Variants in DEFB132 observed in about 807,000 individuals in gnomAD.
The protein encoded by DEFB132 is beta-defensin 132.
A neutral mutation model predicts 2.5 loss-of-function variants in DEFB132; 5 were observed. The ratio of observed to expected loss-of-function variants is 2.00; its 90% CI spans 1.04 to 4.20. The LOEUF (loss-of-function observed/expected upper bound fraction) is 4.20, where lower values mean the gene tolerates loss of function less well. Among genes scored for constraint, DEFB132 ranks in the 30% most tolerant of loss-of-function variants. The pLI, the probability that DEFB132 is intolerant of heterozygous loss-of-function variation, is 0.00. For synonymous variants in DEFB132, 53 were observed against 46.2 expected (o/e 1.15, Z -0.60); for missense variants, 112 against 110.0 (o/e 1.02, Z -0.08).
At chr20:258,769 C>T (rs58397576) in intron 1 of DEFB132, among the ~76,000 whole-genome samples, 266 of 50,764 alleles carry the variant, frequency 5.2e-3, no homozygotes, top group Middle Eastern at 0.038. Context: ...CCTCCCTGAC[C>T]GTGAAGACCA....
chr20:257,881 C>T, intron 1 of DEFB132, 45 bp downstream of exon 1: 1 of 1,584,542 alleles, frequency 6.3e-7, no homozygotes, highest in Non-Finnish European at 8.6e-7. Flanking sequence ...GAACGAGGAA[C>T]ACTAGCATAT....
rs542934528 is a variant in DEFB132, at chr20:260,825, A to C, written c.*1519A>C. On this transcript the variant is annotated 3_prime_UTR_variant, in exon 2 of 2. Coordinates refer to ENST00000382376, the MANE Select transcript of DEFB132 (RefSeq NM_207469.3). ...AAATATTCAATTTAAGAGCAAGGAA[A>C]TTCTTATAAATATAACAATAGAGGC... 6.6e-6 allele frequency: 1 copy of C among 152,342 alleles called. No individual in the cohort carries two copies. Among genetic ancestry groups the C allele is most frequent in the South Asian group, 2.1e-4 (1 of 4,832 alleles). 9.4% of individuals were successfully genotyped at this position (152,342 alleles called of 1,614,324 possible). A position where few individuals can be genotyped will look rare whatever the true frequency, so the allele number is the denominator to read the frequency against.
At position 259,440 on chromosome 20, in the gene DEFB132, C is replaced by T; in HGVS notation, c.*134C>T. ...CTATAGCCAACCCCAAAACTTCTGT[C>T]TTCTATCATTCTGTCATTCATCTAG... On this transcript the variant is annotated 3_prime_UTR_variant, in exon 2 of 2. Coordinates refer to ENST00000382376, the MANE Select transcript of DEFB132 (RefSeq NM_207469.3). 1 of 887,556 alleles carries T rather than the reference C, an allele frequency of 1.1e-6. No individual in the cohort carries two copies. The highest frequency in any genetic ancestry group is 1.7e-6 in the Non-Finnish European group (1 of 592,470). The allele number at this position is 887,556 out of a possible 1,614,324, so 55.0% of individuals were successfully genotyped here. A position where few individuals can be genotyped will look rare whatever the true frequency, so the allele number is the denominator to read the frequency against.
chr20:259,122 G>T lies in DEFB132; in HGVS notation c.104G>T (p.Cys35Phe), dbSNP rs1272058201. Residue 35 changes from cysteine (C) to phenylalanine (F), a missense_variant, in exon 2 of 2, where the codon TGC becomes TTC. Cys to Phe is a radical substitution (Grantham distance 205). Coordinates refer to ENST00000382376, the MANE Select transcript of DEFB132 (RefSeq NM_207469.3). ...SKCVSNTPGYCRTCCHWGETA... is the reference protein window; with the variant it reads ...SKCVSNTPGYFRTCCHWGETA... ...TGTGTGAGTAACACCCCAGGATACT[G>T]CAGGACATGTTGCCACTGGGGGGAG... is the stretch of plus-strand genomic sequence containing the variant. The T allele has an allele frequency of 1.5e-5, 24 of 1,614,220 alleles. No homozygotes were observed. The highest frequency in any genetic ancestry group is 1.9e-5 in the Non-Finnish European group (23 of 1,180,044).
Position 260,401 on chromosome 20 carries a change from C to T in DEFB132, c.*1095C>T, listed in dbSNP as rs1318450229. 1 of 152,092 alleles carries T rather than the reference C, an allele frequency of 6.6e-6. No homozygotes were observed. The highest frequency in any genetic ancestry group is 1.9e-4 in the East Asian group (1 of 5,194). 9.4% of individuals were successfully genotyped at this position (152,092 alleles called of 1,614,324 possible). On this transcript the variant is annotated 3_prime_UTR_variant, in exon 2 of 2. Transcript: ENST00000382376. The stretch of plus-strand genomic sequence containing the variant: ...TATATACTAATGCCATCTATAAATA[C>T]AAACAAATAGAATGTTTATAGAATA...
At position 260,012 on chromosome 20, in the gene DEFB132, G is replaced by A; in HGVS notation, c.*706G>A. On this transcript the variant is annotated 3_prime_UTR_variant, in exon 2 of 2. Transcript: ENST00000382376. The stretch of plus-strand genomic sequence containing the variant: ...GGAGTATAAGGAGGGAGAGAAAGGA[G>A]CTGAAAGTCTAGGTTTGGCCAGCTA... The A allele has an allele frequency of 6.6e-6, 1 of 152,558 alleles. No individual in the cohort carries two copies. Among genetic ancestry groups the A allele is most frequent in the Non-Finnish European group, 1.5e-5 (1 of 68,252 alleles). The allele number at this position is 152,558 out of a possible 1,614,324, so 9.5% of individuals were successfully genotyped here.
At position 259,300 on chromosome 20, in the gene DEFB132, A is replaced by G. The variant is rs765877206; in HGVS notation, c.282A>G (p.Thr94=). 1.2e-6 allele frequency: 2 copies of G among 1,614,048 alleles called. No homozygotes were observed. The highest frequency in any genetic ancestry group is 1.7e-5 in the Admixed American group (1 of 60,016). Residue 94 remains threonine (T), a synonymous_variant, in exon 2 of 2, where the codon ACA becomes ACG. Coordinates refer to ENST00000382376, the MANE Select transcript of DEFB132 (RefSeq NM_207469.3). The part of the protein sequence containing the change: ...RKDKKQQTTV[T]S ...ACAAGAAGCAACAAACGACCGTAAC[A>G]TCATAATAACCACTGCTATCGCCTC... is the stretch of plus-strand genomic sequence containing the variant.
rs755332891 is a variant in DEFB132 at position 259,247 on chromosome 20, T to C, written c.229T>C (p.Ser77Pro). The C allele has an allele frequency of 5.6e-6, 9 of 1,611,304 alleles. No homozygotes were observed. The South Asian group carries it at 9.9e-5, about 18-fold the overall frequency. The stretch of plus-strand genomic sequence containing the variant: ...ACAGCTCATCGGTAACCACTGGCAA[T>C]CAAGGAGAAGAAACACACAAAGGAA... ...LPQLIGNHWQ[S>P]RRRNTQRKDK... Residue 77 changes from serine to proline, a missense_variant, in exon 2 of 2, where the codon TCA (serine) becomes CCA (proline). Coordinates refer to ENST00000382376, the MANE Select transcript of DEFB132 (RefSeq NM_207469.3).
rs954485178 is a variant in DEFB132 at position 259,512 on chromosome 20, C to A, written c.*206C>A. 2.4e-5 allele frequency: 14 copies of A among 591,348 alleles called. No homozygotes were observed. Among genetic ancestry groups the A allele is most frequent in the Non-Finnish European group, 4.2e-5 (14 of 337,098 alleles). 36.6% of individuals were successfully genotyped at this position (591,348 alleles called of 1,614,324 possible). A position where few individuals can be genotyped will look rare whatever the true frequency, so the allele number is the denominator to read the frequency against. On this transcript the variant is annotated 3_prime_UTR_variant, in exon 2 of 2. Coordinates refer to ENST00000382376, the MANE Select transcript of DEFB132 (RefSeq NM_207469.3). Reference sequence around the variant, plus strand: ...CTATCTTACGAGAACAATCATCATGCAGATTCGTCCACAGGGGATCTGTCA... The same window carrying A: ...CTATCTTACGAGAACAATCATCATGAAGATTCGTCCACAGGGGATCTGTCA...
At chr20:258,999 T>G in intron 1 of DEFB132, 78 bp from the exon 2 acceptor site, 1 of 1,427,574 alleles carries the variant, frequency 7.0e-7, no homozygotes, top group Middle Eastern at 2.4e-4. Flanking sequence ...AGCCAAACAC[T>G]CCCATCTGGC....
In DEFB132 at chr20:259,097, T is replaced by C. The variant is rs1394716949; in HGVS notation, c.79T>C (p.Cys27Arg). The change falls in exon 2 of 2, where the codon TGT (cysteine) becomes CGT (arginine). Residue 27 changes from cysteine to arginine, a missense_variant. Transcript: ENST00000382376. ...VIPASAGGSK[C>R]VSNTPGYCRT... ...TACAGCCAGTGCAGGTGGGTCAAAA[T>C]GTGTGAGTAACACCCCAGGATACTG... is the stretch of plus-strand genomic sequence containing the variant. The C allele has an allele frequency of 6.2e-7, 1 of 1,614,190 alleles. No individual in the cohort carries two copies. The highest frequency in any genetic ancestry group is 8.5e-7 in the Non-Finnish European group (1 of 1,180,032).
intron 1 of DEFB132, among the ~76,000 whole-genome samples, chr20:258,785 C>G (rs2011607389): frequency 6.6e-6 from 1 of 152,180 alleles, no homozygotes; most frequent in African/African-American, 2.4e-5. Context: ...GACCAGGCTC[C>G]CCACCCCTGT....
chr20:258,096 C>T (rs409547), intron 1 of DEFB132, among the ~76,000 whole-genome samples: 88,947 of 152,074 alleles, frequency 0.58, 26,270 homozygotes, highest in East Asian at 0.67. Flanking sequence ...TATCTTCTTT[C>T]ACTTTATGTG....
rs1457721218 is a variant in DEFB132, at chr20:260,623, GAGA to G, written c.*1322_*1324del. On this transcript the variant is annotated 3_prime_UTR_variant, in exon 2 of 2. Coordinates refer to ENST00000382376, the MANE Select transcript of DEFB132 (RefSeq NM_207469.3). ...ATTTGACACGTACTGACTTCTATCT[GAGA>G]AGAACAAACCAAAACACTCAGGCCT... 1 of 152,098 alleles carries G rather than the reference GAGA, an allele frequency of 6.6e-6. No homozygotes were observed. Among genetic ancestry groups the G allele is most frequent in the Non-Finnish European group, 1.5e-5 (1 of 68,030 alleles). 9.4% of individuals were successfully genotyped at this position (152,098 alleles called of 1,614,324 possible). A position where few individuals can be genotyped will look rare whatever the true frequency, so the allele number is the denominator to read the frequency against.
In DEFB132 at chr20:260,433, C is replaced by T. The variant is rs966856547; in HGVS notation, c.*1127C>T. On this transcript the variant is annotated 3_prime_UTR_variant, in exon 2 of 2. Coordinates refer to ENST00000382376, the MANE Select transcript of DEFB132 (RefSeq NM_207469.3). ...ATAGAATGTTTATAGAATAATGGAA[C>T]ATAATAACATTATTCAAAATTGCAT... 3.9e-5 allele frequency: 6 copies of T among 152,094 alleles called. No individual in the cohort carries two copies. The highest frequency in any genetic ancestry group is 7.4e-5 in the Non-Finnish European group (5 of 68,004). 9.4% of individuals were successfully genotyped at this position (152,094 alleles called of 1,614,324 possible). A position where few individuals can be genotyped will look rare whatever the true frequency, so the allele number is the denominator to read the frequency against.
rs2011630675 is a variant in DEFB132, at chr20:260,416, T to C, written c.*1110T>C. On this transcript the variant is annotated 3_prime_UTR_variant, in exon 2 of 2. Coordinates refer to ENST00000382376, the MANE Select transcript of DEFB132 (RefSeq NM_207469.3). ...TCTATAAATACAAACAAATAGAATG[T>C]TTATAGAATAATGGAACATAATAAC... 2 of 152,174 alleles carry C rather than the reference T, an allele frequency of 1.3e-5. No homozygotes were observed. The highest frequency in any genetic ancestry group is 6.5e-5 in the Admixed American group (1 of 15,286). The allele number at this position is 152,174 out of a possible 1,614,324, so 9.4% of individuals were successfully genotyped here.
In DEFB132 at chr20:259,346, A is replaced by G. The variant is rs747194321; in HGVS notation, c.*40A>G. 1.4e-5 allele frequency: 23 copies of G among 1,595,498 alleles called. No homozygotes were observed. The highest frequency in any genetic ancestry group is 2.0e-5 in the Non-Finnish European group (23 of 1,167,812). ...GCCTCCACCAACTCAGAGAAATATC[A>G]TTTCCACAGTTCCAATTCCTCCTAC... On this transcript the variant is annotated 3_prime_UTR_variant, in exon 2 of 2. Coordinates refer to ENST00000382376, the MANE Select transcript of DEFB132 (RefSeq NM_207469.3).
Position 259,488 on chromosome 20 carries a change from T to C in DEFB132, c.*182T>C. 1.5e-6 allele frequency: 1 copy of C among 652,696 alleles called. No homozygotes were observed. The highest frequency in any genetic ancestry group is 2.6e-6 in the Non-Finnish European group (1 of 385,050). 40.4% of individuals were successfully genotyped at this position (652,696 alleles called of 1,614,324 possible). A position where few individuals can be genotyped will look rare whatever the true frequency, so the allele number is the denominator to read the frequency against. On this transcript the variant is annotated 3_prime_UTR_variant, in exon 2 of 2. Coordinates refer to ENST00000382376, the MANE Select transcript of DEFB132 (RefSeq NM_207469.3). ...TAGTAACTAATTTGGAGTTTGTATC[T>C]ATCTTACGAGAACAATCATCATGCA...
In DEFB132 at chr20:260,725, G is replaced by A. The variant is rs416096; in HGVS notation, c.*1419G>A. On this transcript the variant is annotated 3_prime_UTR_variant, in exon 2 of 2. Coordinates refer to ENST00000382376, the MANE Select transcript of DEFB132 (RefSeq NM_207469.3). ...TGTTAATGCCCATTCCCTAACTTAT[G>A]TCTTAGACCAAAATTAATTCTAGAT... 91,268 of 152,078 alleles carry A rather than the reference G, an allele frequency of 0.6. 27,551 individuals are homozygous for A. The highest frequency in any genetic ancestry group is 0.68 in the East Asian group (3,523 of 5,180). The allele number at this position is 152,078 out of a possible 1,614,324, so 9.4% of individuals were successfully genotyped here.
Sources: allele counts gnomAD v4.1 joint callset (sites outside exome capture counted in the v4.1 genomes callset), GRCh38; gene constraint gnomAD v4.1.1; transcripts MANE v1.5; gene names NCBI Gene and HGNC (gene_info 2026-07-23, HGNC 2026-07-21).